Variants in ARHGEF7 observed in about 807,000 individuals in gnomAD.
ARHGEF7 encodes the protein PAK-interacting exchange factor beta.
Under a neutral mutation model 109.8 loss-of-function variants are expected in ARHGEF7, and 33 were observed. The observed-to-expected ratio is 0.30, with a 90% CI of 0.23 to 0.40. ARHGEF7 has a LOEUF of 0.40. Ranked by LOEUF, ARHGEF7 falls within the 10% of genes least tolerant of loss-of-function variation. The pLI is 1.00. For synonymous variants in ARHGEF7, 458 were observed against 424.6 expected (o/e 1.08, Z -0.97); for missense variants, 938 against 1,098.5 (o/e 0.85, Z 2.07).
At chr13:111,158,524 G>A (rs1041169947) in intron 2 of ARHGEF7, among the ~76,000 whole-genome samples, 1 of 152,188 alleles carries the variant, frequency 6.6e-6, no homozygotes, top group Non-Finnish European at 1.5e-5. Flanking sequence ...CACAGTTGCT[G>A]TTCATTTATT....
chr13:111,281,178 A>G (rs1432875299), intron 15 of ARHGEF7: 2 of 103,468 alleles, frequency 1.9e-5, no homozygotes, highest in African/African-American at 6.7e-5. Context: ...GGATATTTAG[A>G]GACTTTTTTT....
At chr13:111,232,087 C>T (rs1019339610) in intron 5 of ARHGEF7, among the ~76,000 whole-genome samples, 1 of 151,968 alleles carries the variant, frequency 6.6e-6, no homozygotes, top group Non-Finnish European at 1.5e-5. Context: ...TATCTGCCCA[C>T]CCCCTAGAAC....
rs746096283 is a variant in ARHGEF7, at chr13:111,153,918, C to T, written c.179C>T (p.Pro60Leu). 5.0e-6 allele frequency: 8 copies of T among 1,605,200 alleles called. No individual in the cohort carries two copies. Among genetic ancestry groups the T allele is most frequent in the Non-Finnish European group, 5.9e-6 (7 of 1,177,226 alleles). ...TCTGTATTGCAGGTCTACCCCGAGC[C>T]CCGGAGCGAGAGCGAGTGCCTGAGC... ...PGTIEKVYPEPRSESECLSNI... is the reference protein window; with the variant it reads ...PGTIEKVYPELRSESECLSNI... Residue 60 changes from proline to leucine, a missense_variant, in exon 2 of 22, where the codon CCC becomes CTC. This residue lies in a region of ARHGEF7 where 165 missense variants were observed against 125.8 expected (regional missense o/e 1.31). Coordinates refer to ENST00000646102, the MANE Select transcript of ARHGEF7 (RefSeq NM_001354046.2).
rs2092300333 is a variant in ARHGEF7, at chr13:111,273,422, CAGCTCGG to C, written c.1074-391_1074-385del. ...AGTGTGCTCTAGCTCTTTACCGGAG[CAGCTCGG>C]TCCTTGTTCTACCACCTTGAGACTC... On this transcript the variant is annotated intron_variant, in intron 9 of 21. Transcript: ENST00000646102. This position sits in a 1 kb window ranked among gnomAD's most constrained non-coding sequence, Gnocchi z 4.5. 6.6e-6 allele frequency among the ~76,000 whole-genome samples: 1 copy of C among 152,236 alleles called. No homozygotes were observed. Among genetic ancestry groups the C allele is most frequent in the Admixed American group, 6.5e-5 (1 of 15,286 alleles).
intron 8 of ARHGEF7, among the ~76,000 whole-genome samples, chr13:111,247,399 G>C (rs1379355781): frequency 6.6e-6 from 1 of 151,962 alleles, no homozygotes; most frequent in Non-Finnish European, 1.5e-5. Flanking sequence ...CTCCCGAGTA[G>C]CTGGGATTAC....
intron 8 of ARHGEF7, among the ~76,000 whole-genome samples, chr13:111,259,079 G>A (rs928386749): frequency 3.3e-5 from 5 of 152,314 alleles, no homozygotes; most frequent in Admixed American, 3.3e-4. Flanking sequence ...TAGTGCACCA[G>A]CTAGATTCCT....
At chr13:111,119,841 CT>C (rs2067057586) in intron 1 of ARHGEF7, among the ~76,000 whole-genome samples, 1 of 152,174 alleles carries the variant, frequency 6.6e-6, no homozygotes, top group Non-Finnish European at 1.5e-5. Flanking sequence ...AGAAATGTGC[CT>C]TTTCTTAGGT....
chr13:111,178,622 A>C (rs900733776), intron 2 of ARHGEF7, among the ~76,000 whole-genome samples: 4 of 152,198 alleles, frequency 2.6e-5, no homozygotes, highest in African/African-American at 9.7e-5. Context: ...TTAGCTTGGT[A>C]CTTAGCGCTG....
intron 1 of ARHGEF7, among the ~76,000 whole-genome samples, chr13:111,139,786 G>A (rs1361294981): frequency 2.0e-5 from 3 of 152,256 alleles, no homozygotes; most frequent in African/African-American, 7.2e-5. Context: ...CCCATGCACA[G>A]AGGAAACTGA....
rs2092256962 is a variant in ARHGEF7, at chr13:111,272,832, C to T, written c.1074-982C>T. 6.6e-6 allele frequency among the ~76,000 whole-genome samples: 1 copy of T among 152,122 alleles called. No homozygotes were observed. The highest frequency in any genetic ancestry group is 6.5e-5 in the Admixed American group (1 of 15,268). On this transcript the variant is annotated intron_variant, in intron 9 of 21. Coordinates refer to ENST00000646102, the MANE Select transcript of ARHGEF7 (RefSeq NM_001354046.2). This position sits in a 1 kb window ranked among gnomAD's most constrained non-coding sequence, Gnocchi z 5.2. ...AGGGCCTGACAGAGACCTCAGAGAT[C>T]GCCAGTGAAGGGGTGTTGCGGTCAG... is the stretch of plus-strand genomic sequence containing the variant.
intron 10 of ARHGEF7, 114 bp from the exon 11 acceptor site, chr13:111,274,617 G>GGAAT: frequency 2.1e-6 from 1 of 479,994 alleles, no homozygotes; most frequent in African/African-American, 2.0e-5. Flanking sequence ...AGGGAAAAAG[G>GGAAT]GAATGTTAAG....
At position 111,224,559 on chromosome 13, in the gene ARHGEF7, T is replaced by C. The variant is rs188473965; in HGVS notation, c.670+6679T>C. 3.9e-5 allele frequency among the ~76,000 whole-genome samples: 6 copies of C among 152,344 alleles called. No homozygotes were observed. In the East Asian group the frequency reaches 1.2e-3, roughly 29 times the overall value. On this transcript the variant is annotated intron_variant, in intron 5 of 21. Transcript: ENST00000646102. ...GTTTTGGGGGCTGGTTAGCTTGAGA[T>C]GATGACTGTCTGTGTTTGGCAGTGA... is the stretch of plus-strand genomic sequence containing the variant.
chr13:111,143,780 T>A (rs1220167195), intron 1 of ARHGEF7: 1 of 152,222 alleles, frequency 6.6e-6, no homozygotes, highest in African/African-American at 2.4e-5. Flanking sequence ...TTCCTGGGGA[T>A]CTGCATCGCT....
At chr13:111,180,664 G>A (rs956163339) in intron 2 of ARHGEF7, among the ~76,000 whole-genome samples, 1 of 152,206 alleles carries the variant, frequency 6.6e-6, no homozygotes, top group Admixed American at 6.5e-5. Flanking sequence ...AGGTGGCAGA[G>A]TTGGTATTTG....
At chr13:111,193,298 C>T (rs974638095) in intron 2 of ARHGEF7, among the ~76,000 whole-genome samples, 2 of 152,164 alleles carry the variant, frequency 1.3e-5, no homozygotes, top group African/African-American at 4.8e-5. Flanking sequence ...TGTTCCATAC[C>T]AAGGGTCCTT....
intron 6 of ARHGEF7, among the ~76,000 whole-genome samples, chr13:111,236,304 T>G (rs1006441989): frequency 1.3e-5 from 2 of 152,246 alleles, no homozygotes; most frequent in African/African-American, 4.8e-5. Flanking sequence ...CTTTATCTCC[T>G]AAGTCCACTA....
chr13:111,193,062 A>C (rs1424379097), intron 2 of ARHGEF7, among the ~76,000 whole-genome samples: 1 of 152,286 alleles, frequency 6.6e-6, no homozygotes, highest in Middle Eastern at 3.4e-3. Context: ...GGTCCGGAGG[A>C]GATTTGGCCC....
intron 19 of ARHGEF7, among the ~76,000 whole-genome samples, chr13:111,299,642 G>C (rs1319438032): frequency 6.6e-6 from 1 of 152,154 alleles, no homozygotes; most frequent in Admixed American, 6.5e-5. Flanking sequence ...GCACCCGGCT[G>C]AAGCCATTCT....
rs577214499 is a variant in ARHGEF7, at chr13:111,133,147, G to A, written c.165+17456G>A. On this transcript the variant is annotated intron_variant, in intron 1 of 21. Coordinates refer to ENST00000646102, the MANE Select transcript of ARHGEF7 (RefSeq NM_001354046.2). ...TTTATACACGTGCATATGTACACATGTGCACGTGTATATATGTGTATATAT... is the reference window on the plus strand; with the variant it reads ...TTTATACACGTGCATATGTACACATATGCACGTGTATATATGTGTATATAT... Among the ~76,000 whole-genome samples, 336 of 151,838 alleles carry A rather than the reference G, an allele frequency of 2.2e-3. 4 individuals carry two copies. Among genetic ancestry groups the A allele is most frequent in the Middle Eastern group, 6.8e-3 (2 of 294 alleles).
Sources: gnomAD v4.1 joint callset for allele counts (sites outside exome capture counted in the v4.1 genomes callset) on GRCh38, gnomAD v4.1.1 for gene constraint, gnomAD v4.1.1 regional missense constraint, Gnocchi (gnomAD v3.1) non-coding constraint, MANE v1.5 for transcripts, NCBI Gene and HGNC (gene_info 2026-07-23, HGNC 2026-07-21) for gene names.